RNFT2: variants seen among roughly 807,000 people sequenced by gnomAD.
RNFT2 encodes E3 ubiquitin-protein ligase RNFT2.
Under a neutral mutation model 53.0 loss-of-function variants are expected in RNFT2, and 36 were observed. The observed-to-expected ratio is 0.68, with a 90% CI of 0.52 to 0.90. The LOEUF (loss-of-function observed/expected upper bound fraction) is 0.90. RNFT2 is among the 40% of genes least tolerant of loss of function. RNFT2 has a pLI of 0.00. For missense variants in RNFT2, 514 were observed against 585.6 expected (o/e 0.88, Z 1.26); for synonymous variants, 260 against 253.2 (o/e 1.03, Z -0.26).
At chr12:116,766,978 T>C in intron 6 of RNFT2, 64 bp downstream of exon 6, 1 of 1,145,246 alleles carries the variant, frequency 8.7e-7, no homozygotes, top group Non-Finnish European at 1.3e-6. Context: ...TTGGGGCACG[T>C]ACCCTTTCAC....
Position 116,766,840 on chromosome 12 carries a change from G to A in RNFT2, c.654G>A (p.Leu218=). ...LKEKRSVLVI[L]WILAFLAGNT... is the part of the protein sequence containing the mutation. ...AGAAGAGGTCAGTGCTGGTCATCTT[G>A]TGGATCCTGGCCTTTCTGGCGGGGA... The change falls in exon 6 of 11, where the codon TTG becomes TTA. Residue 218 remains leucine (L), a synonymous_variant. Transcript: ENST00000257575. 1.3e-6 allele frequency: 2 copies of A among 1,597,926 alleles called. No individual in the cohort carries two copies. Among genetic ancestry groups the A allele is most frequent in the Admixed American group, 1.7e-5 (1 of 57,538 alleles).
chr12:116,821,173 C>T (rs1037214879), intron 7 of RNFT2, among the ~76,000 whole-genome samples: 1 of 152,130 alleles, frequency 6.6e-6, no homozygotes. Context: ...TCTGCCATTT[C>T]TCTCTTCCTT....
intron 6 of RNFT2, among the ~76,000 whole-genome samples, chr12:116,771,460 T>TAAAAAA (rs35911608): frequency 1.6e-5 from 1 of 64,122 alleles, no homozygotes; most frequent in African/African-American, 6.0e-5. Flanking sequence ...ATCCTATCGT[T>TAAAAAA]AAAAAAAAAA....
At chr12:116,758,529 G>A (rs944872195) in intron 5 of RNFT2, among the ~76,000 whole-genome samples, 2 of 152,118 alleles carry the variant, frequency 1.3e-5, no homozygotes, top group East Asian at 3.9e-4. Flanking sequence ...TCTTATAGTG[G>A]TGACTTGGTA....
intron 5 of RNFT2, among the ~76,000 whole-genome samples, chr12:116,763,619 C>A (rs1462616836): frequency 2.0e-5 from 3 of 148,368 alleles, no homozygotes; most frequent in East Asian, 2.0e-4. Flanking sequence ...AAAAAAATAA[C>A]AAAAAAAAAA....
chr12:116,738,995 C>T (rs1040035354), intron 1 of RNFT2, among the ~76,000 whole-genome samples: 43 of 152,074 alleles, frequency 2.8e-4, no homozygotes, highest in Non-Finnish European at 1.0e-4. Flanking sequence ...CGGTTTGTTA[C>T]CTAATTTTTC....
At chr12:116,812,782 C>T (rs1017054568) in intron 7 of RNFT2, among the ~76,000 whole-genome samples, 1 of 152,152 alleles carries the variant, frequency 6.6e-6, no homozygotes, top group Non-Finnish European at 1.5e-5. Context: ...GATCCACCTG[C>T]CTTGGCCTCC....
At position 116,743,197 on chromosome 12, in the gene RNFT2, G is replaced by A. The variant is rs767858590; in HGVS notation, c.83+2103G>A. 6.2e-3 allele frequency among the ~76,000 whole-genome samples: 343 copies of A among 55,704 alleles called. 1 individual carries two copies. Among genetic ancestry groups the A allele is most frequent in the Non-Finnish European group, 0.01 (284 of 28,132 alleles). 36.5% of individuals were successfully genotyped at this position (55,704 alleles called of 152,430 possible). ...CGTTAGTTTGGCCCTGTGATTAATAGATACCAGGTAGAATCTAAAAAAAAA... is the reference window on the plus strand; with the variant it reads ...CGTTAGTTTGGCCCTGTGATTAATAAATACCAGGTAGAATCTAAAAAAAAA... On this transcript the variant is annotated intron_variant, in intron 3 of 10. Coordinates refer to ENST00000257575, the MANE Select transcript of RNFT2 (RefSeq NM_001382266.1).
In RNFT2 at chr12:116,851,567, C is replaced by A; in HGVS notation, c.*2119C>A. The stretch of plus-strand genomic sequence containing the variant: ...TAGCCTGGCCAACATGGCAAAACCC[C>A]CTCTTTACTAAAAAATACAAAAATT... On this transcript the variant is annotated 3_prime_UTR_variant, in exon 11 of 11. Coordinates refer to ENST00000257575, the MANE Select transcript of RNFT2 (RefSeq NM_001382266.1). 1 of 582,690 alleles carries A rather than the reference C, an allele frequency of 1.7e-6. No homozygotes were observed. The highest frequency in any genetic ancestry group is 2.9e-5 in the East Asian group (1 of 34,908). The allele number at this position is 582,690 out of a possible 1,614,324, so 36.1% of individuals were successfully genotyped here.
At chr12:116,816,939 T>C (rs1222963096) in intron 7 of RNFT2, among the ~76,000 whole-genome samples, 3 of 152,232 alleles carry the variant, frequency 2.0e-5, no homozygotes, top group African/African-American at 7.2e-5. Context: ...TCCCTCCCTT[T>C]GCCCATAAGA....
At position 116,825,888 on chromosome 12, in the gene RNFT2, A is replaced by G. The variant is rs376157196; in HGVS notation, c.883-7904A>G. On this transcript the variant is annotated intron_variant, in intron 7 of 10. Coordinates refer to ENST00000257575, the MANE Select transcript of RNFT2 (RefSeq NM_001382266.1). The stretch of plus-strand genomic sequence containing the variant: ...AGAATCCCAAATCCCACGCCTTTAA[A>G]CCACTAGGCTGTCCTGCCTCCACAG... 2.0e-4 allele frequency among the ~76,000 whole-genome samples: 30 copies of G among 152,216 alleles called. 1 individual carries two copies. The highest frequency in any genetic ancestry group is 6.5e-4 in the Admixed American group (10 of 15,268).
Position 116,792,589 on chromosome 12 carries a change from C to T in RNFT2, c.882+13241C>T, listed in dbSNP as rs180740743. The stretch of plus-strand genomic sequence containing the variant: ...TTTTTTTGATGATGATTATTTTATT[C>T]GGTGAGATTAATGTGCCAGGTCAGC... On this transcript the variant is annotated intron_variant, in intron 7 of 10. Transcript: ENST00000257575. Among the ~76,000 whole-genome samples the T allele has an allele frequency of 1.9e-3, 294 of 152,066 alleles. 2 individuals carry two copies. The highest frequency in any genetic ancestry group is 5.7e-3 in the African/African-American group (236 of 41,492).
intron 5 of RNFT2, chr12:116,755,309 G>T (rs1260603742): frequency 1.2e-5 from 8 of 663,408 alleles, no homozygotes; most frequent in Non-Finnish European, 1.9e-5. Context: ...TTATTTCTGG[G>T]TTCTCTATTC....
intron 7 of RNFT2, among the ~76,000 whole-genome samples, chr12:116,786,438 A>G (rs1339255964): frequency 6.6e-6 from 1 of 151,974 alleles, no homozygotes; most frequent in East Asian, 1.9e-4. Flanking sequence ...ACAGTCATGC[A>G]GCTGCTCGGT....
chr12:116,773,473 TCA>T (rs1873289782), intron 6 of RNFT2, among the ~76,000 whole-genome samples: 1 of 152,224 alleles, frequency 6.6e-6, no homozygotes, highest in African/African-American at 2.4e-5. Flanking sequence ...AATTTGATGT[TCA>T]GTTCTTGGCA....
intron 10 of RNFT2, among the ~76,000 whole-genome samples, chr12:116,844,052 A>T: frequency 6.6e-6 from 1 of 152,152 alleles, no homozygotes; most frequent in East Asian, 1.9e-4. Context: ...GGTTCCTTTC[A>T]GGGGGTCTGT....
At chr12:116,830,839 G>A (rs1410487358) in intron 7 of RNFT2, among the ~76,000 whole-genome samples, 1 of 151,822 alleles carries the variant, frequency 6.6e-6, no homozygotes, top group East Asian at 1.9e-4. Flanking sequence ...AAGAGGCAGA[G>A]GTTGCAGCGA....
chr12:116,807,191 C>G (rs958348750), intron 7 of RNFT2, among the ~76,000 whole-genome samples: 6 of 152,048 alleles, frequency 3.9e-5, no homozygotes, highest in African/African-American at 1.4e-4. Context: ...GGTGATTATC[C>G]CTTGTCTATA....
chr12:116,740,525 A>G lies in RNFT2; in HGVS notation c.24+4A>G. On this transcript the variant is annotated splice_donor_region_variant and intron_variant, in intron 2 of 10. Coordinates refer to ENST00000257575, the MANE Select transcript of RNFT2 (RefSeq NM_001382266.1). ...GTGGCTCTTCACAGTGAATCAGGTGACACGTCTCCAAGAGAATTTGCATCT... is the reference window on the plus strand; with the variant it reads ...GTGGCTCTTCACAGTGAATCAGGTGGCACGTCTCCAAGAGAATTTGCATCT... 6.4e-7 allele frequency: 1 copy of G among 1,569,138 alleles called. No homozygotes were observed. The highest frequency in any genetic ancestry group is 8.7e-7 in the Non-Finnish European group (1 of 1,155,730).
Sources: allele counts gnomAD v4.1 joint callset (sites outside exome capture counted in the v4.1 genomes callset), GRCh38; gene constraint gnomAD v4.1.1; transcripts MANE v1.5; gene names NCBI Gene and HGNC (gene_info 2026-07-23, HGNC 2026-07-21).